MASTL: variants seen among roughly 807,000 people sequenced by gnomAD.
MASTL encodes the protein serine/threonine-protein kinase greatwall.
A neutral mutation model predicts 82.5 loss-of-function variants in MASTL; 54 were observed. That is an observed-to-expected ratio of 0.65 (90% CI 0.53 to 0.82). The LOEUF (loss-of-function observed/expected upper bound fraction) is 0.82, where lower values mean the gene tolerates loss of function less well. MASTL is among the 40% of genes least tolerant of loss of function. MASTL has a pLI of 0.00. For missense variants in MASTL, 950 were observed against 1,047.8 expected, an observed-to-expected ratio of 0.91 and a Z score of 1.29; for synonymous variants, 323 against 368.9, an observed-to-expected ratio of 0.88 and a Z score of 1.43.
chr10:27,172,883 A>G (rs2136095966), intron 8 of MASTL, among the ~76,000 whole-genome samples: 1 of 152,172 alleles, frequency 6.6e-6, no homozygotes, highest in African/African-American at 2.4e-5. Flanking sequence ...TTTCTTATCT[A>G]GATCTTATTG....
chr10:27,174,025 G>T (rs1196837672), intron 9 of MASTL, among the ~76,000 whole-genome samples: 1 of 151,988 alleles, frequency 6.6e-6, no homozygotes, highest in Non-Finnish European at 1.5e-5. Flanking sequence ...AGTCAAGCCA[G>T]AAATGAACCA....
chr10:27,159,657 C>T lies in MASTL; in HGVS notation c.363C>T (p.Leu121=). Residue 121 remains leucine (L), a synonymous_variant, in exon 3 of 12, where the codon CTC becomes CTT. Transcript: ENST00000375940. This position sits in a 1 kb window ranked among gnomAD's most constrained non-coding sequence, Gnocchi z 4.0. ...EYLIGGDVKS[L]LHIYGYFDEE... is the part of the protein sequence containing the mutation. ...TTATTGGGGGAGATGTCAAGTCTCT[C>T]CTACATATATATGGTTATTTTGATG... 1 of 1,567,074 alleles carries T rather than the reference C, an allele frequency of 6.4e-7. No homozygotes were observed. The highest frequency in any genetic ancestry group is 8.8e-7 in the Non-Finnish European group (1 of 1,137,454).
Position 27,181,026 on chromosome 10 carries a change from T to C in MASTL, c.2340T>C (p.Asp780=), listed in dbSNP as rs374294842. Residue 780 remains aspartate, a synonymous_variant, in exon 10 of 12, where the codon GAT becomes GAC. Transcript: ENST00000375940. ...TAACAGGAATTCCCCCTTTCAATGATGAAACACCACAACAAGTATTCCAGA... is the reference window on the plus strand; with the variant it reads ...TAACAGGAATTCCCCCTTTCAATGACGAAACACCACAACAAGTATTCCAGA... ...EFLTGIPPFN[D]ETPQQVFQNI... The C allele has an allele frequency of 3.1e-6, 5 of 1,612,128 alleles. No individual in the cohort carries two copies. In the African/African-American group the frequency reaches 6.7e-5, roughly 22 times the overall value.
intron 1 of MASTL, among the ~76,000 whole-genome samples, chr10:27,156,751 C>A (rs1369730708): frequency 6.6e-6 from 1 of 151,520 alleles, no homozygotes; most frequent in Non-Finnish European, 1.5e-5. Flanking sequence ...AGCTCCTGAC[C>A]TCAGGTGACC....
chr10:27,155,244 G>C (rs1005383444), upstream of MASTL: 2 of 633,132 alleles, frequency 3.2e-6, no homozygotes, highest in South Asian at 1.9e-5. Flanking sequence ...CTGCGAAGTC[G>C]GGGCTTTCCC....
upstream of MASTL, chr10:27,155,260 C>A: frequency 1.5e-6 from 1 of 678,286 alleles, no homozygotes; most frequent in Non-Finnish European, 2.4e-6. Flanking sequence ...TTCCCGACGC[C>A]CCCTCCGTCC....
In MASTL at chr10:27,159,748, A is replaced by G. The variant is rs377287367; in HGVS notation, c.454A>G (p.Ile152Val). ...LALDYLHRHG[I>V]IHRDLKPDNM... ...TCTAGACTACCTTCACAGACATGGA[A>G]TCATCCACAGGTAAAGACTGACTTC... The change falls in exon 3 of 12, where the codon ATC (isoleucine) becomes GTC (valine). Residue 152 changes from isoleucine to valine, a missense_variant. Transcript: ENST00000375940. This position sits in a 1 kb window ranked among gnomAD's most constrained non-coding sequence, Gnocchi z 4.0. The G allele has an allele frequency of 4.3e-6, 7 of 1,611,948 alleles. No individual in the cohort carries two copies. In the African/African-American group the frequency reaches 8.0e-5, roughly 18 times the overall value.
In MASTL at chr10:27,187,901, TAAA is replaced by T. The variant is rs1047526148; in HGVS notation, c.*1369_*1371del. Among the ~76,000 whole-genome samples, 2 of 152,206 alleles carry T rather than the reference TAAA, an allele frequency of 1.3e-5. No individual in the cohort carries two copies. The highest frequency in any genetic ancestry group is 4.8e-5 in the African/African-American group (2 of 41,452). On this transcript the variant is annotated 3_prime_UTR_variant, in exon 12 of 12. Coordinates refer to ENST00000375940, the MANE Select transcript of MASTL (RefSeq NM_001172303.3). Reference sequence around the variant, plus strand: ...ACATTATCAGAAACAGATTGGTCCTTAAAAAACAAAACATAATTTTCTTTTGCT... The same window carrying T: ...ACATTATCAGAAACAGATTGGTCCTTAAACAAAACATAATTTTCTTTTGCT...
rs1269321244 is a variant in MASTL, at chr10:27,155,570, A to G, written c.144A>G (p.Lys48=). 4.3e-6 allele frequency: 7 copies of G among 1,614,040 alleles called. No individual in the cohort carries two copies. The highest frequency in any genetic ancestry group is 5.9e-6 in the Non-Finnish European group (7 of 1,180,000). The change falls in exon 1 of 12, where the codon AAA becomes AAG. Residue 48 remains lysine, a synonymous_variant. Transcript: ENST00000375940. ...CCATTAGCCGGGGCGCCTTCGGGAA[A>G]GTGTATCTGGGGCAGAAAGGCGGCA... ...VKPISRGAFG[K]VYLGQKGGKL...
chr10:27,155,561 C>T lies in MASTL; in HGVS notation c.135C>T (p.Ala45=). Residue 45 remains alanine, a synonymous_variant, in exon 1 of 12, where the codon GCC becomes GCT. Transcript: ENST00000375940. ...FSIVKPISRG[A]FGKVYLGQKG... ...TAGTGAAGCCCATTAGCCGGGGCGC[C>T]TTCGGGAAAGTGTATCTGGGGCAGA... The T allele has an allele frequency of 6.2e-7, 1 of 1,614,168 alleles. No individual in the cohort carries two copies. The highest frequency in any genetic ancestry group is 8.5e-7 in the Non-Finnish European group (1 of 1,180,004).
At chr10:27,174,092 C>T (rs943159941) in intron 9 of MASTL, among the ~76,000 whole-genome samples, 6 of 151,874 alleles carry the variant, frequency 4.0e-5, no homozygotes, top group Non-Finnish European at 8.8e-5. Flanking sequence ...CGGTGGCTCA[C>T]GCCTGTAATC....
At position 27,164,990 on chromosome 10, in the gene MASTL, A is replaced by G. The variant is rs527678150; in HGVS notation, c.554-74A>G. ...ACAAAAAATTGTTTTGTTGTCATAT[A>G]CATAACATTCATTTTTAGTCAATGG... On this transcript the variant is annotated intron_variant, in intron 4 of 11. Coordinates refer to ENST00000375940, the MANE Select transcript of MASTL (RefSeq NM_001172303.3). 4.5e-5 allele frequency: 45 copies of G among 992,280 alleles called. No individual in the cohort carries two copies. In the African/African-American group the frequency reaches 7.1e-4, roughly 16 times the overall value. 61.5% of individuals were successfully genotyped at this position (992,280 alleles called of 1,614,324 possible).
rs1308677195 is a variant in MASTL at position 27,165,320 on chromosome 10, C to T, written c.661-69C>T. On this transcript the variant is annotated intron_variant, in intron 5 of 11. Coordinates refer to ENST00000375940, the MANE Select transcript of MASTL (RefSeq NM_001172303.3). ...CAGTTTGTCTACTTAGGTGGTATAA[C>T]AGTCTATGTACTTAGGTGGTGTTTT... The T allele has an allele frequency of 2.6e-6, 4 of 1,513,088 alleles. No homozygotes were observed. In the African/African-American group the frequency reaches 5.5e-5, roughly 21 times the overall value. The allele number at this position is 1,513,088 out of a possible 1,614,324, so 93.7% of individuals were successfully genotyped here. A position where few individuals can be genotyped will look rare whatever the true frequency, so the allele number is the denominator to read the frequency against.
At chr10:27,156,170 G>T (rs1204627229) in intron 1 of MASTL, among the ~76,000 whole-genome samples, 1 of 151,802 alleles carries the variant, frequency 6.6e-6, no homozygotes, top group South Asian at 2.1e-4. Context: ...ACGCCCGGCT[G>T]ATTTTTTGTA....
chr10:27,166,210 G>T (rs2057736733), intron 6 of MASTL, among the ~76,000 whole-genome samples: 1 of 151,696 alleles, frequency 6.6e-6, no homozygotes, highest in African/African-American at 2.4e-5. Context: ...CTCAAAACAA[G>T]CAAGCAATTT....
At chr10:27,156,564 G>GTC (rs1285264825) in intron 1 of MASTL, among the ~76,000 whole-genome samples, 1 of 152,108 alleles carries the variant, frequency 6.6e-6, no homozygotes, top group African/African-American at 2.4e-5. Flanking sequence ...CTGTGGTGCA[G>GTC]TCTCGGCTCC....
At chr10:27,166,972 T>G in intron 6 of MASTL, 130 bp from the exon 7 acceptor site, 2 of 662,642 alleles carry the variant, frequency 3.0e-6, no homozygotes, top group Non-Finnish European at 5.3e-6. Flanking sequence ...GAAATAGTTC[T>G]GATATGTAAT....
chr10:27,177,993 GT>G (rs1345671210), intron 9 of MASTL, among the ~76,000 whole-genome samples: 1 of 152,192 alleles, frequency 6.6e-6, no homozygotes, highest in African/African-American at 2.4e-5. Context: ...GTTCTTCTCT[GT>G]GAAAAGAAAT....
At chr10:27,182,335 C>T (rs2058369597) in intron 11 of MASTL, among the ~76,000 whole-genome samples, 1 of 151,974 alleles carries the variant, frequency 6.6e-6, no homozygotes, top group African/African-American at 2.4e-5. Flanking sequence ...TATTTCTCCC[C>T]TCTAGGTATG....
Sources: allele counts gnomAD v4.1 joint callset (sites outside exome capture counted in the v4.1 genomes callset), GRCh38; gene constraint gnomAD v4.1.1; non-coding constraint Gnocchi (gnomAD v3.1); transcripts MANE v1.5; gene names NCBI Gene and HGNC (gene_info 2026-07-23, HGNC 2026-07-21).